Variants in NPAS3 observed in about 807,000 individuals in gnomAD.
NPAS3 encodes the protein neuronal PAS domain protein 3.
NPAS3 carries 14 observed loss-of-function variants against 73.1 expected under a neutral mutation model. The observed-to-expected ratio is 0.19, with a 90% CI of 0.13 to 0.30. NPAS3 has a LOEUF of 0.30. NPAS3 is among the 10% of genes least tolerant of loss of function. NPAS3 has a pLI of 1.00. For synonymous variants in NPAS3, 620 were observed against 541.5 expected (o/e 1.14, Z -2.01); for missense variants, 1,096 against 1,250.0 (o/e 0.88, Z 1.86).
At chr14:33,657,418 A>G (rs2059174941) in intron 5 of NPAS3, among the ~76,000 whole-genome samples, 1 of 152,220 alleles carries the variant, frequency 6.6e-6, no homozygotes, top group Non-Finnish European at 1.5e-5. Flanking sequence ...AGACATAAAG[A>G]AGCCTGAATT....
intron 5 of NPAS3, among the ~76,000 whole-genome samples, chr14:33,660,989 G>A (rs61712153): frequency 0.084 from 12,699 of 151,424 alleles, 615 homozygotes; most frequent in South Asian, 0.18. Context: ...CTTTGAAAGC[G>A]AAGAGTAAAA....
rs201898289 is a variant in NPAS3 at position 33,800,884 on chromosome 14, C to G, written c.2577C>G (p.Pro859=). The G allele has an allele frequency of 1.9e-6, 3 of 1,606,142 alleles. No homozygotes were observed. Among genetic ancestry groups the G allele is most frequent in the Admixed American group, 1.7e-5 (1 of 59,384 alleles). The stretch of plus-strand genomic sequence containing the variant: ...TTAACTTCGTGGACGTTAACAGCCC[C>G]GGCTTTGGCCTCGACCCCAAGACGC... Residue 859 remains proline (P), a synonymous_variant, in exon 12 of 12, where the codon CCC becomes CCG. Coordinates refer to ENST00000356141, the Ensembl canonical transcript of NPAS3. The surrounding 1 kb of genome is among the most constrained non-coding windows in gnomAD (Gnocchi z 6.5).
intron 2 of NPAS3, among the ~76,000 whole-genome samples, chr14:33,161,842 C>A (rs1357930845): frequency 6.6e-6 from 1 of 152,134 alleles, no homozygotes; most frequent in East Asian, 1.9e-4. Context: ...AGGTAGAGAC[C>A]AGCAGGATAA....
chr14:33,150,109 C>T (rs1330181512), intron 2 of NPAS3, among the ~76,000 whole-genome samples: 11 of 152,306 alleles, frequency 7.2e-5, no homozygotes, highest in Admixed American at 3.3e-4. Flanking sequence ...CTGCAAAGGA[C>T]ATGAACTCAT....
chr14:33,547,907 G>A (rs1204976378), intron 4 of NPAS3, among the ~76,000 whole-genome samples: 1 of 152,184 alleles, frequency 6.6e-6, no homozygotes, highest in East Asian at 1.9e-4. Flanking sequence ...CTACAAGTTT[G>A]TATAAGAGTC....
At chr14:33,325,499 A>C (rs1180291354) in intron 3 of NPAS3, among the ~76,000 whole-genome samples, 1 of 152,126 alleles carries the variant, frequency 6.6e-6, no homozygotes, top group East Asian at 1.9e-4. Flanking sequence ...TATAAAAATT[A>C]GCTGGTTGTG....
At chr14:33,705,040 A>T (rs746943751) in intron 6 of NPAS3, among the ~76,000 whole-genome samples, 1 of 152,154 alleles carries the variant, frequency 6.6e-6, no homozygotes, top group Non-Finnish European at 1.5e-5. Context: ...GATTTATTGC[A>T]TCTCTTCCAC....
intron 2 of NPAS3, among the ~76,000 whole-genome samples, chr14:33,167,011 A>G (rs1457964581): frequency 6.6e-6 from 1 of 152,128 alleles, no homozygotes; most frequent in Non-Finnish European, 1.5e-5. Flanking sequence ...CATGGTTTAG[A>G]TCATTTTAAT....
At chr14:33,202,360 A>C (rs1180428219) in intron 2 of NPAS3, among the ~76,000 whole-genome samples, 1 of 152,054 alleles carries the variant, frequency 6.6e-6, no homozygotes, top group East Asian at 1.9e-4. Flanking sequence ...CCAAGATGGC[A>C]CCACTGCACT....
At chr14:33,296,497 T>C (rs1337870666) in intron 3 of NPAS3, among the ~76,000 whole-genome samples, 1 of 152,226 alleles carries the variant, frequency 6.6e-6, no homozygotes, top group African/African-American at 2.4e-5. Flanking sequence ...TTAAATCTAT[T>C]AAGCCCAGTA....
chr14:33,264,189 G>C (rs542942251), intron 3 of NPAS3, among the ~76,000 whole-genome samples: 1 of 151,710 alleles, frequency 6.6e-6, no homozygotes. Flanking sequence ...ACCAAACACC[G>C]CATGTTCTCA....
chr14:33,071,475 A>G (rs1293589353), intron 2 of NPAS3, among the ~76,000 whole-genome samples: 2 of 152,204 alleles, frequency 1.3e-5, no homozygotes, highest in Non-Finnish European at 2.9e-5. Context: ...GAGCTATAGA[A>G]ATAATATTCA....
At chr14:33,189,934 C>T (rs574657093) in intron 2 of NPAS3, among the ~76,000 whole-genome samples, 64 of 152,128 alleles carry the variant, frequency 4.2e-4, no homozygotes, top group Admixed American at 1.0e-3. Context: ...ATAGCCAAAC[C>T]CAAACATTTT....
intron 5 of NPAS3, among the ~76,000 whole-genome samples, chr14:33,641,877 A>G (rs2140185534): frequency 6.6e-6 from 1 of 152,232 alleles, no homozygotes. Flanking sequence ...AAGAAAATGC[A>G]GGTATGGTGA....
chr14:33,261,999 C>T (rs1175451279), intron 3 of NPAS3, among the ~76,000 whole-genome samples: 1 of 152,136 alleles, frequency 6.6e-6, no homozygotes, highest in Admixed American at 6.5e-5. Context: ...TTCAAATAAA[C>T]TACCTGCTAG....
intron 2 of NPAS3, among the ~76,000 whole-genome samples, chr14:33,162,467 C>A (rs1377203257): frequency 6.6e-6 from 1 of 152,096 alleles, no homozygotes; most frequent in Non-Finnish European, 1.5e-5. Flanking sequence ...AAGGACTAAT[C>A]TTCTGATCTT....
chr14:32,957,846 A>T (rs991880008), intron 1 of NPAS3, among the ~76,000 whole-genome samples: 6 of 152,084 alleles, frequency 3.9e-5, no homozygotes, highest in African/African-American at 1.4e-4. Context: ...TTGGTGGTAA[A>T]ATCACAGTAA....
intron 5 of NPAS3, among the ~76,000 whole-genome samples, chr14:33,580,114 G>A (rs2056604838): frequency 6.6e-6 from 1 of 152,146 alleles, no homozygotes; most frequent in South Asian, 2.1e-4. Flanking sequence ...TCTGGCTATG[G>A]TTGGTAACCA....
chr14:33,559,587 T>C (rs79019993), intron 4 of NPAS3, among the ~76,000 whole-genome samples: 5,943 of 152,278 alleles, frequency 0.039, 385 homozygotes, highest in African/African-American at 0.13. Context: ...GTAATGTATC[T>C]TGATCAAAAT....
Sources: allele counts gnomAD v4.1 joint callset (sites outside exome capture counted in the v4.1 genomes callset), GRCh38; gene constraint gnomAD v4.1.1; non-coding constraint Gnocchi (gnomAD v3.1); transcripts MANE v1.5; gene names NCBI Gene and HGNC (gene_info 2026-07-23, HGNC 2026-07-21).